Variants in DNAJC3 observed in about 807,000 individuals in gnomAD.
The protein encoded by DNAJC3 is DnaJ heat shock protein family (Hsp40) member C3, also known as dnaJ homolog subfamily C member 3.
In DNAJC3, 38 loss-of-function variants were observed where a neutral mutation model predicts 68.6. The ratio of observed to expected loss-of-function variants is 0.55; its 90% CI spans 0.43 to 0.73. DNAJC3 has a LOEUF of 0.73. Ranked by LOEUF, DNAJC3 falls within the 30% of genes least tolerant of loss-of-function variation. The pLI is 0.00. For synonymous variants in DNAJC3, 203 were observed against 204.0 expected (o/e 1.00, Z 0.04); for missense variants, 526 against 591.9 (o/e 0.89, Z 1.16).
intron 1 of DNAJC3, among the ~76,000 whole-genome samples, chr13:95,678,992 G>T (rs1250503162): frequency 6.6e-6 from 1 of 152,096 alleles, no homozygotes; most frequent in Non-Finnish European, 1.5e-5. Flanking sequence ...AACAGAAAAA[G>T]GAAAGAAAGG....
intron 11 of DNAJC3, among the ~76,000 whole-genome samples, chr13:95,788,908 C>T (rs954408610): frequency 4.6e-5 from 7 of 152,164 alleles, no homozygotes; most frequent in Non-Finnish European, 8.8e-5. Context: ...CTACAATACC[C>T]GCTTAGTTAT....
chr13:95,764,717 T>C (rs1221751192), intron 9 of DNAJC3, among the ~76,000 whole-genome samples: 4 of 133,766 alleles, frequency 3.0e-5, no homozygotes, highest in Non-Finnish European at 4.7e-5. Flanking sequence ...CATATATATA[T>C]ACACATATAT....
rs1416179917 is a variant in DNAJC3, at chr13:95,794,084, A to G, written c.*3054A>G. On this transcript the variant is annotated 3_prime_UTR_variant, in exon 12 of 12. Coordinates refer to ENST00000602402, the MANE Select transcript of DNAJC3 (RefSeq NM_006260.5). ...TGTGAATCAGATGTAACGTACTACT[A>G]ATTCTACAATGCCTTTCTCTTTAGT... The G allele has an allele frequency of 6.6e-6, 1 of 152,218 alleles. No homozygotes were observed. The highest frequency in any genetic ancestry group is 1.5e-5 in the Non-Finnish European group (1 of 68,034). The allele number at this position is 152,218 out of a possible 1,614,324, so 9.4% of individuals were successfully genotyped here.
rs182391145 is a variant in DNAJC3 at position 95,730,847 on chromosome 13, G to A, written c.393+5595G>A. ...TGTTTTTTCTATTTCTGTGAAAAAT[G>A]ACATTGGTATTTTGATACAGATATC... On this transcript the variant is annotated intron_variant, in intron 4 of 11. Transcript: ENST00000602402. Among the ~76,000 whole-genome samples, 514 of 152,274 alleles carry A rather than the reference G, an allele frequency of 3.4e-3. 4 individuals carry two copies. Among genetic ancestry groups the A allele is most frequent in the African/African-American group, 0.012 (487 of 41,552 alleles).
intron 4 of DNAJC3, among the ~76,000 whole-genome samples, chr13:95,735,042 T>C (rs1881858713): frequency 6.7e-6 from 1 of 148,640 alleles, no homozygotes. Flanking sequence ...CATTGTTCAA[T>C]TCCCACCTAT....
Position 95,760,676 on chromosome 13 carries a change from C to T in DNAJC3, c.729-3C>T, listed in dbSNP as rs765440512. The T allele has an allele frequency of 8.7e-6, 14 of 1,604,180 alleles. No individual in the cohort carries two copies. The Admixed American group carries it at 2.4e-4, about 28-fold the overall frequency. On this transcript the variant is annotated splice_polypyrimidine_tract_variant and splice_region_variant and intron_variant, in intron 6 of 11. Coordinates refer to ENST00000602402, the MANE Select transcript of DNAJC3 (RefSeq NM_006260.5). ...TATTTTCCTTTTTTAAATACATGAACAGTGAAGTTCGGGAATGTCTTAAAC... is the reference window on the plus strand; with the variant it reads ...TATTTTCCTTTTTTAAATACATGAATAGTGAAGTTCGGGAATGTCTTAAAC...
rs565508248 is a variant in DNAJC3 at position 95,762,250 on chromosome 13, G to A, written c.849-1393G>A. On this transcript the variant is annotated intron_variant, in intron 7 of 11. Transcript: ENST00000602402. ...ACACTCCAGCCTGGGCAACAAGAGC[G>A]AAACTCCGTCTCTAAAAAAAATGTT... Among the ~76,000 whole-genome samples the A allele has an allele frequency of 6.6e-5, 10 of 152,100 alleles. 1 individual carries two copies. Among genetic ancestry groups the A allele is most frequent in the African/African-American group, 2.2e-4 (9 of 41,446 alleles).
intron 1 of DNAJC3, among the ~76,000 whole-genome samples, chr13:95,687,824 T>C (rs1228389871): frequency 1.3e-5 from 2 of 152,202 alleles, no homozygotes; most frequent in Non-Finnish European, 2.9e-5. Flanking sequence ...ATGACATTGG[T>C]AATTTGGTAG....
At chr13:95,739,094 G>T (rs1215972324) in intron 4 of DNAJC3, among the ~76,000 whole-genome samples, 1 of 151,952 alleles carries the variant, frequency 6.6e-6, no homozygotes, top group African/African-American at 2.4e-5. Context: ...GCTTAGTTTG[G>T]CTGGATATGC....
rs531317351 is a variant in DNAJC3 at position 95,771,802 on chromosome 13, C to G, written c.1075+7849C>G. The stretch of plus-strand genomic sequence containing the variant: ...CCAATCAGTTCCCATCCCACCCCCC[C>G]ACAGGCAACTCTGTTCTGATTTTCT... On this transcript the variant is annotated intron_variant, in intron 9 of 11. Coordinates refer to ENST00000602402, the MANE Select transcript of DNAJC3 (RefSeq NM_006260.5). 3.9e-5 allele frequency among the ~76,000 whole-genome samples: 6 copies of G among 152,144 alleles called. No individual in the cohort carries two copies. In the South Asian group the frequency reaches 1.3e-3, roughly 32 times the overall value.
chr13:95,677,685 G>C lies in DNAJC3; in HGVS notation c.82+348G>C, dbSNP rs550792410. On this transcript the variant is annotated intron_variant, in intron 1 of 11. Transcript: ENST00000602402. ...GGTCCTGGCCTCGCTTGGGACCCTC[G>C]CTGGGCGCCTGGGGACACTGTCAGT... Among the ~76,000 whole-genome samples, 162 of 152,338 alleles carry C rather than the reference G, an allele frequency of 1.1e-3. 1 individual carries two copies. Among genetic ancestry groups the C allele is most frequent in the African/African-American group, 3.8e-3 (156 of 41,584 alleles).
At chr13:95,677,490 CCGG>C (rs1879790362) in intron 1 of DNAJC3, among the ~76,000 whole-genome samples, 153 bp downstream of exon 1, 1 of 152,232 alleles carries the variant, frequency 6.6e-6, no homozygotes, top group Non-Finnish European at 1.5e-5. Flanking sequence ...GAGCCCGCGC[CCGG>C]TTCCGGGTTT....
intron 1 of DNAJC3, chr13:95,694,042 A>G (rs555218911): frequency 2.0e-5 from 3 of 152,184 alleles, no homozygotes; most frequent in African/African-American, 7.2e-5. Flanking sequence ...AGCAGCCACC[A>G]CCAATCAACA....
At chr13:95,742,601 G>C (rs1182522405) in intron 4 of DNAJC3, 1 of 488,082 alleles carries the variant, frequency 2.0e-6, no homozygotes, top group South Asian at 1.5e-5. Flanking sequence ...AGCCAAGCAG[G>C]CTGCCTCACT....
At chr13:95,756,017 T>A (rs373413081) in intron 4 of DNAJC3, among the ~76,000 whole-genome samples, 1 of 152,054 alleles carries the variant, frequency 6.6e-6, no homozygotes, top group Non-Finnish European at 1.5e-5. Flanking sequence ...GTCCCGAGAT[T>A]TAGGGCTTCT....
At chr13:95,779,275 C>T (rs1387407426) in intron 9 of DNAJC3, among the ~76,000 whole-genome samples, 2 of 151,846 alleles carry the variant, frequency 1.3e-5, no homozygotes, top group Non-Finnish European at 2.9e-5. Flanking sequence ...AGGCGCCCGC[C>T]ACCATACCCG....
intron 1 of DNAJC3, 109 bp from the exon 2 acceptor site, chr13:95,709,118 C>G (rs1298914836): frequency 1.4e-6 from 1 of 698,792 alleles, no homozygotes; most frequent in East Asian, 3.5e-5. Context: ...TGTGACTTTT[C>G]TCATCTGAGT....
intron 1 of DNAJC3, chr13:95,693,896 T>TTGG (rs1880353977): frequency 6.6e-6 from 1 of 152,166 alleles, no homozygotes; most frequent in African/African-American, 2.4e-5. Context: ...TCCATTACCA[T>TTGG]ATCCACTCAA....
intron 4 of DNAJC3, among the ~76,000 whole-genome samples, chr13:95,738,960 A>G (rs1882026705): frequency 1.3e-5 from 2 of 151,930 alleles, no homozygotes; most frequent in African/African-American, 2.4e-5. Flanking sequence ...AGCGGCTGGT[A>G]CTGGTTGTTC....
Sources: gnomAD v4.1 joint callset for allele counts (sites outside exome capture counted in the v4.1 genomes callset) on GRCh38, gnomAD v4.1.1 for gene constraint, MANE v1.5 for transcripts, NCBI Gene and HGNC (gene_info 2026-07-23, HGNC 2026-07-21) for gene names.